The following RHCE variants were observed in gnomAD, a reference collection of about 807,000 sequenced individuals.
RHCE encodes the protein Rh blood group CcEe antigens.
RHCE carries 22 observed loss-of-function variants against 43.8 expected under a neutral mutation model. That is an observed-to-expected ratio of 0.50 (90% confidence interval 0.36 to 0.72). The LOEUF is 0.72. Among genes scored for constraint, RHCE ranks in the 30% least tolerant of loss-of-function variants. The pLI, the probability that RHCE is intolerant of heterozygous loss-of-function variation, is 0.00. For synonymous variants in RHCE, 156 were observed against 210.7 expected, an observed-to-expected ratio of 0.74 and a Z score of 2.25; for missense variants, 385 against 525.4, an observed-to-expected ratio of 0.73 and a Z score of 2.61.
intron 3 of RHCE, among the ~76,000 whole-genome samples, chr1:25,402,206 G>GTCTGTCCA (rs796249762): frequency 7.7e-6 from 1 of 130,384 alleles, no homozygotes; most frequent in Non-Finnish European, 1.6e-5. Flanking sequence ...CTGTCTGTCT[G>GTCTGTCCA]TCTATCTATC....
At chr1:25,373,355 T>C (rs573618731) in intron 8 of RHCE, among the ~76,000 whole-genome samples, 26 of 151,760 alleles carry the variant, frequency 1.7e-4, no homozygotes, top group African/African-American at 6.3e-4. Context: ...CCCAATTCAT[T>C]GCGAATTTAA....
chr1:25,385,948 G>C, intron 6 of RHCE, 104 bp from the exon 7 acceptor site: 2 of 1,541,880 alleles, frequency 1.3e-6, no homozygotes. Context: ...ATGGGGATGG[G>C]CACTAAGGCT....
intron 3 of RHCE, among the ~76,000 whole-genome samples, chr1:25,398,486 A>G (rs1160658490): frequency 7.9e-5 from 9 of 114,258 alleles, no homozygotes; most frequent in African/African-American, 2.8e-4. Context: ...TTCCACTCCC[A>G]CAGATGACCA....
chr1:25,372,385 G>GGC, intron 8 of RHCE, among the ~76,000 whole-genome samples: 1 of 151,560 alleles, frequency 6.6e-6, no homozygotes, highest in Non-Finnish European at 1.5e-5. Flanking sequence ...CGGGCGTGGT[G>GGC]GTGCATGCCT....
intron 6 of RHCE, 25 bp downstream of exon 6, chr1:25,388,951 G>C (rs1646267726): frequency 1.9e-6 from 3 of 1,614,264 alleles, no homozygotes; most frequent in Non-Finnish European, 2.5e-6. Context: ...CCAAAGCAGA[G>C]AGCATTAGTT....
upstream of RHCE, among the ~76,000 whole-genome samples, chr1:25,422,947 C>A (rs1386711106): frequency 6.6e-6 from 1 of 152,132 alleles, no homozygotes; most frequent in South Asian, 2.1e-4. Flanking sequence ...TGACAGGAGG[C>A]GGAGCTCAGG....
At position 25,418,900 on chromosome 1, in the gene RHCE, G is replaced by A. The variant is rs369802370; in HGVS notation, c.148+1739C>T. On this transcript the variant is annotated intron_variant, in intron 1 of 9. Coordinates refer to ENST00000294413, the MANE Select transcript of RHCE (RefSeq NM_020485.8). ...GTTAGTAGCACGGTGCAGGGGTAAA[G>A]AACATGGACCCTAGAGTCAATCTAC... is the stretch of plus-strand genomic sequence containing the variant. 5.9e-5 allele frequency among the ~76,000 whole-genome samples: 9 copies of A among 152,184 alleles called. No homozygotes were observed. In the East Asian group the frequency reaches 7.7e-4, roughly 13 times the overall value.
chr1:25,371,049 C>T (rs1340024409), intron 8 of RHCE, among the ~76,000 whole-genome samples: 1 of 150,106 alleles, frequency 6.7e-6, no homozygotes, highest in Non-Finnish European at 1.5e-5. Context: ...AGCCACCACA[C>T]CCGGCCGATT....
intron 7 of RHCE, among the ~76,000 whole-genome samples, chr1:25,381,520 G>A (rs1293217802): frequency 2.7e-5 from 4 of 147,946 alleles, no homozygotes; most frequent in Non-Finnish European, 5.9e-5. Flanking sequence ...GCAATAGCAC[G>A]ATCTCAGCTC....
At chr1:25,371,566 T>G (rs1301482941) in intron 8 of RHCE, among the ~76,000 whole-genome samples, 1 of 151,076 alleles carries the variant, frequency 6.6e-6, no homozygotes, top group African/African-American at 2.5e-5. Context: ...AGAGACGGGG[T>G]TTAGCCATGT....
intron 3 of RHCE, among the ~76,000 whole-genome samples, chr1:25,396,716 C>T (rs1175710267): frequency 3.9e-5 from 6 of 152,200 alleles, no homozygotes; most frequent in Admixed American, 1.3e-4. Flanking sequence ...TGGGGGAAAC[C>T]ACCCCTGTGA....
rs577336309 is a variant in RHCE at position 25,407,337 on chromosome 1, T to TA, written c.335+1345dup. ...ACTCTGGAGCATGTGGAAAAGGTTA[T>TA]AAAAAAAAGTTAGAGCCATCTCCAC... On this transcript the variant is annotated intron_variant, in intron 2 of 9. Transcript: ENST00000294413. 1.6e-5 allele frequency among the ~76,000 whole-genome samples: 2 copies of TA among 123,282 alleles called. 1 individual carries two copies. The highest frequency in any genetic ancestry group is 5.0e-5 in the African/African-American group (2 of 39,804). The allele number at this position is 123,282 out of a possible 152,430, so 80.9% of individuals were successfully genotyped here.
intron 3 of RHCE, among the ~76,000 whole-genome samples, chr1:25,400,489 C>T (rs1646705680): frequency 6.6e-6 from 1 of 151,250 alleles, no homozygotes; most frequent in Admixed American, 6.6e-5. Flanking sequence ...CATGTCCCCC[C>T]TCTAAAATGC....
chr1:25,386,735 TG>T (rs1646176237), intron 6 of RHCE, among the ~76,000 whole-genome samples: 1 of 151,992 alleles, frequency 6.6e-6, no homozygotes, highest in Non-Finnish European at 1.5e-5. Flanking sequence ...GGCAGGAGAA[TG>T]GTGTGAACCC....
intron 1 of RHCE, among the ~76,000 whole-genome samples, chr1:25,416,655 C>A (rs746603607): frequency 6.6e-6 from 1 of 151,392 alleles, no homozygotes. Context: ...CTTGCTCTGT[C>A]GCCCATGCTG....
chr1:25,370,400 T>C, intron 9 of RHCE, 67 bp downstream of exon 9: 2 of 1,348,094 alleles, frequency 1.5e-6, no homozygotes, highest in Non-Finnish European at 2.1e-6. Context: ...AGTCAACATA[T>C]ATACCCAGGT....
chr1:25,426,150 T>C (rs2042803841), intron 2 of RHCE, among the ~76,000 whole-genome samples: 1 of 152,250 alleles, frequency 6.6e-6, no homozygotes, highest in South Asian at 2.1e-4. Context: ...TTAGCAATTA[T>C]GATTATCACA....
intron 8 of RHCE, among the ~76,000 whole-genome samples, chr1:25,372,387 T>A: frequency 6.6e-6 from 1 of 151,258 alleles, no homozygotes; most frequent in Non-Finnish European, 1.5e-5. Context: ...GGCGTGGTGG[T>A]GCATGCCTGT....
In RHCE at chr1:25,392,161, G is replaced by A. The variant is rs775130441; in HGVS notation, c.487-20C>T. ...GTCTGTCTGCAATAAAACCCAGTAA[G>A]AGCAGTGAGTGTCGGCATCCTCTGC... On this transcript the variant is annotated intron_variant, in intron 3 of 9. Transcript: ENST00000294413. 111 of 1,613,998 alleles carry A rather than the reference G, an allele frequency of 6.9e-5. No homozygotes were observed. The highest frequency in any genetic ancestry group is 9.2e-5 in the Non-Finnish European group (109 of 1,180,008).
Sources: gnomAD v4.1 joint callset for allele counts (sites outside exome capture counted in the v4.1 genomes callset) on GRCh38, gnomAD v4.1.1 for gene constraint, MANE v1.5 for transcripts, NCBI Gene and HGNC (gene_info 2026-07-23, HGNC 2026-07-21) for gene names.